The following RAB8A variants were observed in gnomAD, a reference collection of about 807,000 sequenced individuals.
The protein encoded by RAB8A is RAB8A, member RAS oncogene family.
RAB8A carries 5 observed loss-of-function variants against 29.2 expected under a neutral mutation model. The ratio of observed to expected loss-of-function variants is 0.17; its 90% CI spans 0.09 to 0.36. RAB8A has a LOEUF of 0.36. Among genes scored for constraint, RAB8A ranks in the 10% least tolerant of loss-of-function variants. RAB8A has a pLI of 1.00. For missense variants in RAB8A, 171 were observed against 272.2 expected (o/e 0.63, Z 2.62); for synonymous variants, 108 against 99.9 (o/e 1.08, Z -0.49).
rs2090893592 is a variant in RAB8A at position 16,125,156 on chromosome 19, G to T, written c.247-314G>T. 2 of 464,046 alleles carry T rather than the reference G, an allele frequency of 4.3e-6. No homozygotes were observed. The allele number at this position is 464,046 out of a possible 1,614,324, so 28.7% of individuals were successfully genotyped here. Reference sequence around the variant, plus strand: ...TCCCACCGTCAGGCTGCACCACCCCGTGGGCCATGAGGGGAGCCAGCCGGG... The same window carrying T: ...TCCCACCGTCAGGCTGCACCACCCCTTGGGCCATGAGGGGAGCCAGCCGGG... On this transcript the variant is annotated intron_variant, in intron 3 of 7. Transcript: ENST00000300935. The surrounding 1 kb of genome is among the most constrained non-coding windows in gnomAD (Gnocchi z 5.0).
chr19:16,128,155 G>A, intron 6 of RAB8A, 64 bp downstream of exon 6: 1 of 1,555,900 alleles, frequency 6.4e-7, no homozygotes, highest in South Asian at 1.1e-5. Context: ...GGCTAAAGGG[G>A]GAGCTGGCGT....
intron 4 of RAB8A, chr19:16,126,098 C>T (rs1426586646): frequency 1.0e-5 from 2 of 193,390 alleles, no homozygotes; most frequent in Non-Finnish European, 2.2e-5. Context: ...TCCTGGCTGC[C>T]GGCACCTGCA....
In RAB8A at chr19:16,122,977, C is replaced by A. The variant is rs1015675988; in HGVS notation, c.246+1167C>A. ...TTCTCTGGGCCCAAATAGCCACCTT[C>A]CACCCTGCCCTGACCACCAAGCCCT... On this transcript the variant is annotated intron_variant, in intron 3 of 7. Transcript: ENST00000300935. The surrounding 1 kb of genome is among the most constrained non-coding windows in gnomAD (Gnocchi z 4.7). 6.6e-6 allele frequency among the ~76,000 whole-genome samples: 1 copy of A among 152,208 alleles called. No individual in the cohort carries two copies. The highest frequency in any genetic ancestry group is 1.5e-5 in the Non-Finnish European group (1 of 68,040).
rs1160942876 is a variant in RAB8A at position 16,116,891 on chromosome 19, CA to C, written c.125-1318del. On this transcript the variant is annotated intron_variant, in intron 1 of 7. Coordinates refer to ENST00000300935, the MANE Select transcript of RAB8A (RefSeq NM_005370.5). ...GCCTGGTGACAGAGAAACTCCATCT[CA>C]AAAAAAAAAAAAAAAAGGATACCAA... is the stretch of plus-strand genomic sequence containing the variant. 5.4e-3 allele frequency among the ~76,000 whole-genome samples: 496 copies of C among 92,606 alleles called. 2 individuals carry two copies. The highest frequency in any genetic ancestry group is 0.01 in the African/African-American group (260 of 25,236). The allele number at this position is 92,606 out of a possible 152,430, so 60.8% of individuals were successfully genotyped here.
At chr19:16,128,715 G>A (rs771043595) in intron 6 of RAB8A, among the ~76,000 whole-genome samples, 2 of 152,182 alleles carry the variant, frequency 1.3e-5, no homozygotes, top group East Asian at 3.9e-4. Context: ...CTCAGGCCTT[G>A]CCCTCCCCAG....
intron 1 of RAB8A, among the ~76,000 whole-genome samples, chr19:16,113,927 T>C (rs2090834816): frequency 6.6e-6 from 1 of 152,118 alleles, no homozygotes; most frequent in Non-Finnish European, 1.5e-5. Context: ...AGAGGCTATC[T>C]AGAGGAAGCA....
At chr19:16,112,815 A>C (rs1175957244) in intron 1 of RAB8A, 1 of 152,256 alleles carries the variant, frequency 6.6e-6, no homozygotes, top group Non-Finnish European at 1.5e-5. Flanking sequence ...TTCCTCTAGA[A>C]GGAATGATAA....
intron 1 of RAB8A, chr19:16,112,444 G>A: frequency 5.2e-6 from 1 of 192,422 alleles, no homozygotes; most frequent in Non-Finnish European, 1.1e-5. Context: ...CATTTACTAT[G>A]TGCCAAGTGC....
rs567330915 is a variant in RAB8A at position 16,133,186 on chromosome 19, C to G, written c.*882C>G. The G allele has an allele frequency of 6.6e-6, 1 of 152,206 alleles. No homozygotes were observed. 9.4% of individuals were successfully genotyped at this position (152,206 alleles called of 1,614,324 possible). A position where few individuals can be genotyped will look rare whatever the true frequency, so the allele number is the denominator to read the frequency against. On this transcript the variant is annotated 3_prime_UTR_variant, in exon 8 of 8. Transcript: ENST00000300935. ...TTTCTAGCTGAGATTTTTATTTTTC[C>G]ACATCTGTAGTGCCATGAAGCGATT...
rs773464951 is a variant in RAB8A at position 16,127,415 on chromosome 19, C to T, written c.325-22C>T. On this transcript the variant is annotated intron_variant, in intron 4 of 7. Transcript: ENST00000300935. This position sits in a 1 kb window ranked among gnomAD's most constrained non-coding sequence, Gnocchi z 4.8. ...GCCTGTGTCATCCGGTCTGATCCCC[C>T]GTCTGTCCCCCTCCCTCTCAGCACG... is the stretch of plus-strand genomic sequence containing the variant. The T allele has an allele frequency of 1.5e-5, 21 of 1,440,152 alleles. No homozygotes were observed. The highest frequency in any genetic ancestry group is 7.2e-5 in the African/African-American group (5 of 69,286). 89.2% of individuals were successfully genotyped at this position (1,440,152 alleles called of 1,614,324 possible). A position where few individuals can be genotyped will look rare whatever the true frequency, so the allele number is the denominator to read the frequency against.
rs1405603866 is a variant in RAB8A at position 16,132,353 on chromosome 19, G to A, written c.*49G>A. On this transcript the variant is annotated 3_prime_UTR_variant, in exon 8 of 8. Transcript: ENST00000300935. This position sits in a 1 kb window ranked among gnomAD's most constrained non-coding sequence, Gnocchi z 5.6. ...TCGCTCAGCCCAGCTGACTGTGCCT[G>A]TTCTGAGTGAGCCCCTCACTCAGCC... The A allele has an allele frequency of 6.3e-7, 1 of 1,580,830 alleles. No individual in the cohort carries two copies. The highest frequency in any genetic ancestry group is 1.7e-5 in the Admixed American group (1 of 57,972).
chr19:16,118,002 G>A (rs1161173728), intron 1 of RAB8A, among the ~76,000 whole-genome samples: 4 of 152,118 alleles, frequency 2.6e-5, no homozygotes, highest in East Asian at 1.9e-4. Context: ...TTTGCCACCC[G>A]CGCCCCCTGG....
intron 1 of RAB8A, among the ~76,000 whole-genome samples, chr19:16,114,116 A>C (rs1397319171): frequency 3.3e-5 from 5 of 152,014 alleles, no homozygotes; most frequent in Non-Finnish European, 5.9e-5. Flanking sequence ...AAAATAAAAT[A>C]AAATCAGCCG....
intron 2 of RAB8A, 90 bp downstream of exon 2, chr19:16,118,376 C>A (rs1599395375): frequency 2.5e-6 from 3 of 1,223,368 alleles, no homozygotes; most frequent in East Asian, 4.7e-5. Flanking sequence ...GTCCCTGTGA[C>A]CTTGGCCTCC....
intron 7 of RAB8A, among the ~76,000 whole-genome samples, chr19:16,130,136 C>G (rs980889610): frequency 2.7e-5 from 4 of 150,356 alleles, no homozygotes; most frequent in Non-Finnish European, 4.4e-5. Context: ...CCCATCTACC[C>G]TCTCATTCGT....
chr19:16,113,458 G>A (rs2090832826), intron 1 of RAB8A, among the ~76,000 whole-genome samples: 1 of 152,144 alleles, frequency 6.6e-6, no homozygotes, highest in African/African-American at 2.4e-5. Context: ...CTGGAATCCA[G>A]CGGCAGGATC....
Position 16,132,365 on chromosome 19 carries a change from C to G in RAB8A, c.*61C>G. 1.3e-6 allele frequency: 2 copies of G among 1,525,144 alleles called. No homozygotes were observed. The highest frequency in any genetic ancestry group is 1.8e-6 in the Non-Finnish European group (2 of 1,111,728). 94.5% of individuals were successfully genotyped at this position (1,525,144 alleles called of 1,614,324 possible). On this transcript the variant is annotated 3_prime_UTR_variant, in exon 8 of 8. Coordinates refer to ENST00000300935, the MANE Select transcript of RAB8A (RefSeq NM_005370.5). The surrounding 1 kb of genome is among the most constrained non-coding windows in gnomAD (Gnocchi z 5.6). ...GCTGACTGTGCCTGTTCTGAGTGAG[C>G]CCCTCACTCAGCCGGGGCCCTCCCA...
intron 1 of RAB8A, 28 bp from the exon 2 acceptor site, chr19:16,118,198 G>A (rs777004108): frequency 1.3e-6 from 2 of 1,596,364 alleles, no homozygotes; most frequent in East Asian, 2.2e-5. Flanking sequence ...GGCTGACAGT[G>A]ACGTGCCTTT....
chr19:16,129,677 T>G, intron 7 of RAB8A, 73 bp downstream of exon 7: 1 of 1,455,220 alleles, frequency 6.9e-7, no homozygotes, highest in South Asian at 1.1e-5. Context: ...AGCAGTGATA[T>G]GACGTGCCCT....
Sources: allele counts gnomAD v4.1 joint callset (sites outside exome capture counted in the v4.1 genomes callset), GRCh38; gene constraint gnomAD v4.1.1; non-coding constraint Gnocchi (gnomAD v3.1); transcripts MANE v1.5; gene names NCBI Gene and HGNC (gene_info 2026-07-23, HGNC 2026-07-21).